The following GPC6 variants were observed in gnomAD, a reference collection of about 807,000 sequenced individuals.
GPC6 encodes glypican 6.
In GPC6, 14 loss-of-function variants were observed where a neutral mutation model predicts 55.2. The observed-to-expected ratio is 0.25, with a 90% CI of 0.17 to 0.40. GPC6 has a LOEUF of 0.40. Among genes scored for constraint, GPC6 ranks in the 10% least tolerant of loss-of-function variants. The pLI is 1.00. For missense variants in GPC6, 641 were observed against 708.5 expected (o/e 0.90, Z 1.08); for synonymous variants, 278 against 259.6 (o/e 1.07, Z -0.68).
intron 4 of GPC6, among the ~76,000 whole-genome samples, chr13:94,068,446 T>C: frequency 6.6e-6 from 1 of 152,086 alleles, no homozygotes; most frequent in African/African-American, 2.4e-5. Flanking sequence ...CACCCCTGGC[T>C]CCTCTCAACT....
At chr13:93,627,879 C>CT (rs1879270248) in intron 2 of GPC6, among the ~76,000 whole-genome samples, 2 of 152,144 alleles carry the variant, frequency 1.3e-5, no homozygotes, top group Admixed American at 1.3e-4. Context: ...AAAAGACATA[C>CT]TTTTATTAGA....
chr13:93,328,196 T>C (rs1025254215), intron 1 of GPC6, among the ~76,000 whole-genome samples: 1 of 152,198 alleles, frequency 6.6e-6, no homozygotes, highest in Non-Finnish European at 1.5e-5. Context: ...ACATGCATGA[T>C]GTTTATAGCT....
intron 6 of GPC6, among the ~76,000 whole-genome samples, chr13:94,372,552 C>T (rs546359724): frequency 3.3e-5 from 5 of 151,068 alleles, no homozygotes; most frequent in South Asian, 2.1e-4. Context: ...GCACCTGGCT[C>T]GGAGGGTCCT....
rs149527074 is a variant in GPC6, at chr13:94,347,919, T to A, written c.1153-34495T>A. ...TTCACCAAAGCGGGTGGGTACCCGA[T>A]GTGCGAGAGGCAGATGTTACGAAAA... is the stretch of plus-strand genomic sequence containing the variant. On this transcript the variant is annotated intron_variant, in intron 6 of 8. Coordinates refer to ENST00000377047, the MANE Select transcript of GPC6 (RefSeq NM_005708.5). 2.0e-5 allele frequency among the ~76,000 whole-genome samples: 3 copies of A among 152,370 alleles called. No homozygotes were observed. In the East Asian group the frequency reaches 5.8e-4, roughly 29 times the overall value.
intron 1 of GPC6, among the ~76,000 whole-genome samples, chr13:93,464,885 G>A (rs1304057050): frequency 1.3e-5 from 2 of 152,286 alleles, no homozygotes; most frequent in South Asian, 2.1e-4. Flanking sequence ...AGACTTGAAA[G>A]TTGAAATGAC....
At chr13:93,344,172 C>G (rs1430161098) in intron 1 of GPC6, among the ~76,000 whole-genome samples, 1 of 152,210 alleles carries the variant, frequency 6.6e-6, no homozygotes, top group African/African-American at 2.4e-5. Context: ...ATGCTGCCAT[C>G]AAGGCCATTC....
intron 3 of GPC6, among the ~76,000 whole-genome samples, chr13:93,927,833 A>G (rs1318451863): frequency 6.6e-6 from 1 of 152,146 alleles, no homozygotes; most frequent in African/African-American, 2.4e-5. Flanking sequence ...TCTTTCTAAA[A>G]CCATTAGCAT....
intron 2 of GPC6, among the ~76,000 whole-genome samples, chr13:93,746,232 C>T (rs368960648): frequency 2.0e-5 from 3 of 152,104 alleles, no homozygotes; most frequent in East Asian, 3.9e-4. Flanking sequence ...TGTCACAATG[C>T]GAAGGTCAGT....
At chr13:93,427,360 G>T (rs993559081) in intron 1 of GPC6, among the ~76,000 whole-genome samples, 9 of 151,572 alleles carry the variant, frequency 5.9e-5, no homozygotes, top group African/African-American at 2.2e-4. Context: ...ATACTACAAG[G>T]CTACAGTAAC....
chr13:93,567,512 A>G (rs188901326), intron 2 of GPC6, among the ~76,000 whole-genome samples: 1 of 151,814 alleles, frequency 6.6e-6, no homozygotes, highest in Admixed American at 6.6e-5. Context: ...TTTAGTAGAG[A>G]CAGGGTGTCA....
chr13:94,049,637 A>G (rs1883866371), intron 4 of GPC6, among the ~76,000 whole-genome samples: 1 of 152,040 alleles, frequency 6.6e-6, no homozygotes, highest in South Asian at 2.1e-4. Context: ...CAGTCATTCC[A>G]TTGAGACTTT....
intron 6 of GPC6, among the ~76,000 whole-genome samples, chr13:94,324,385 G>T (rs11620057): frequency 0.011 from 1,687 of 150,848 alleles, 15 homozygotes; most frequent in Non-Finnish European, 0.018. Context: ...CCCAAAATAG[G>T]TGATTGAATT....
At chr13:94,151,895 G>T (rs1428575783) in intron 4 of GPC6, among the ~76,000 whole-genome samples, 1 of 152,068 alleles carries the variant, frequency 6.6e-6, no homozygotes, top group Non-Finnish European at 1.5e-5. Context: ...AAATTTAATT[G>T]TATGACATAA....
chr13:94,291,240 T>C (rs1273315638), intron 5 of GPC6, among the ~76,000 whole-genome samples: 1 of 150,038 alleles, frequency 6.7e-6, no homozygotes, highest in Non-Finnish European at 1.5e-5. Context: ...ATATAGGGCA[T>C]GTAAGAGTCC....
intron 2 of GPC6, among the ~76,000 whole-genome samples, chr13:93,692,256 T>C (rs889913434): frequency 6.6e-6 from 1 of 152,120 alleles, no homozygotes; most frequent in East Asian, 1.9e-4. Context: ...GAAATTATGT[T>C]CCCAGATTTA....
intron 4 of GPC6, among the ~76,000 whole-genome samples, chr13:94,054,757 G>A (rs887184544): frequency 3.9e-5 from 6 of 152,122 alleles, no homozygotes; most frequent in Admixed American, 3.9e-4. Flanking sequence ...TTACCAAGTG[G>A]GTTAGGAGAC....
chr13:93,721,954 T>C (rs1226576378), intron 2 of GPC6, among the ~76,000 whole-genome samples: 2 of 151,856 alleles, frequency 1.3e-5, no homozygotes, highest in Non-Finnish European at 2.9e-5. Flanking sequence ...TGAAAAATTC[T>C]AAGTAATGTT....
intron 2 of GPC6, among the ~76,000 whole-genome samples, chr13:93,824,680 A>G (rs1167301535): frequency 6.6e-6 from 1 of 152,234 alleles, no homozygotes; most frequent in Admixed American, 6.5e-5. Context: ...TTATATGTGT[A>G]TAAATGTATA....
At chr13:93,821,219 G>A (rs1030085133) in intron 2 of GPC6, among the ~76,000 whole-genome samples, 2 of 152,046 alleles carry the variant, frequency 1.3e-5, no homozygotes, top group Admixed American at 1.3e-4. Context: ...TATTCAAACA[G>A]AAAAATGTGA....
Sources: gnomAD v4.1 joint callset for allele counts (sites outside exome capture counted in the v4.1 genomes callset) on GRCh38, gnomAD v4.1.1 for gene constraint, MANE v1.5 for transcripts, NCBI Gene and HGNC (gene_info 2026-07-23, HGNC 2026-07-21) for gene names.